The following HS6ST3 variants were observed in gnomAD, a reference collection of about 807,000 sequenced individuals.
The protein encoded by HS6ST3 is heparan-sulfate 6-O-sulfotransferase 3.
Under a neutral mutation model 36.7 loss-of-function variants are expected in HS6ST3, and 12 were observed. That is an observed-to-expected ratio of 0.33 (90% confidence interval 0.21 to 0.53). The LOEUF (loss-of-function observed/expected upper bound fraction) is 0.53, where lower values mean the gene tolerates loss of function less well. Among genes scored for constraint, HS6ST3 ranks in the 20% least tolerant of loss-of-function variants. The pLI is 0.95. For synonymous variants in HS6ST3, 240 were observed against 257.5 expected (o/e 0.93, Z 0.65); for missense variants, 584 against 640.9 (o/e 0.91, Z 0.96).
At chr13:96,493,811 G>A (rs1442485876) in intron 1 of HS6ST3, among the ~76,000 whole-genome samples, 2 of 152,092 alleles carry the variant, frequency 1.3e-5, no homozygotes, top group Non-Finnish European at 2.9e-5. Context: ...ATAGAAGGTT[G>A]TGAGAAAAAA....
chr13:96,713,018 T>C (rs1875600320), intron 1 of HS6ST3, among the ~76,000 whole-genome samples: 1 of 152,216 alleles, frequency 6.6e-6, no homozygotes, highest in South Asian at 2.1e-4. Flanking sequence ...TTTGAGGATA[T>C]AAAAAGGATG....
intron 1 of HS6ST3, among the ~76,000 whole-genome samples, chr13:96,507,286 T>A (rs1250606344): frequency 6.6e-6 from 1 of 152,114 alleles, no homozygotes; most frequent in Non-Finnish European, 1.5e-5. Context: ...ATGATGTATG[T>A]CCTGAGCAGA....
intron 1 of HS6ST3, among the ~76,000 whole-genome samples, chr13:96,155,074 A>T (rs1220113675): frequency 6.6e-6 from 1 of 152,184 alleles, no homozygotes; most frequent in Non-Finnish European, 1.5e-5. Context: ...ATTCAGTTAT[A>T]TATTGTTCAG....
intron 1 of HS6ST3, among the ~76,000 whole-genome samples, chr13:96,709,255 T>C (rs1875502795): frequency 6.6e-6 from 1 of 152,228 alleles, no homozygotes; most frequent in African/African-American, 2.4e-5. Flanking sequence ...TCCTCAGCCA[T>C]GTAGAACTGT....
At chr13:96,790,718 A>G (rs577694309) in intron 1 of HS6ST3, among the ~76,000 whole-genome samples, 10 of 152,188 alleles carry the variant, frequency 6.6e-5, no homozygotes, top group Non-Finnish European at 1.0e-4. Flanking sequence ...TTTTGAGGCC[A>G]TGATGAAATA....
At chr13:96,245,621 G>T in intron 1 of HS6ST3, among the ~76,000 whole-genome samples, 1 of 152,052 alleles carries the variant, frequency 6.6e-6, no homozygotes, top group East Asian at 1.9e-4. Context: ...GGTCTGCAGG[G>T]TCCAGACTGC....
chr13:96,305,207 A>G (rs1354268700), intron 1 of HS6ST3, among the ~76,000 whole-genome samples: 1 of 152,176 alleles, frequency 6.6e-6, no homozygotes, highest in African/African-American at 2.4e-5. Context: ...ACTATTGACA[A>G]TGATAAACTT....
At chr13:96,099,656 G>C (rs2053808540) in intron 1 of HS6ST3, among the ~76,000 whole-genome samples, 1 of 152,058 alleles carries the variant, frequency 6.6e-6, no homozygotes, top group South Asian at 2.1e-4. Flanking sequence ...TGTGTCATTT[G>C]TTTTCATAAC....
In HS6ST3 at chr13:96,438,352, A is replaced by G. The variant is rs1427946546; in HGVS notation, c.707+346783A>G. 2.0e-5 allele frequency among the ~76,000 whole-genome samples: 3 copies of G among 152,240 alleles called. No individual in the cohort carries two copies. The South Asian group carries it at 6.2e-4, about 31-fold the overall frequency. Reference sequence around the variant, plus strand: ...ATCTTAGATTCTGACATAGTGTTTCATCATACTGCATACTCTTATGTGAAA... The same window carrying G: ...ATCTTAGATTCTGACATAGTGTTTCGTCATACTGCATACTCTTATGTGAAA... On this transcript the variant is annotated intron_variant, in intron 1 of 1. Transcript: ENST00000376705.
rs1008793358 is a variant in HS6ST3, at chr13:96,329,972, A to C, written c.707+238403A>C. ...TGTCTCTTTTGATCTTTGTTGGTTT[A>C]AAGTCTGTTTTATCATAGACTAGGA... On this transcript the variant is annotated intron_variant, in intron 1 of 1. Coordinates refer to ENST00000376705, the MANE Select transcript of HS6ST3 (RefSeq NM_153456.4). 9.7e-4 allele frequency among the ~76,000 whole-genome samples: 147 copies of C among 151,040 alleles called. 1 individual carries two copies. The highest frequency in any genetic ancestry group is 1.2e-3 in the Non-Finnish European group (81 of 67,802).
chr13:96,530,002 G>A (rs965429763), intron 1 of HS6ST3, among the ~76,000 whole-genome samples: 9 of 152,130 alleles, frequency 5.9e-5, no homozygotes, highest in African/African-American at 2.2e-4. Flanking sequence ...AATTAGACTT[G>A]GGGCTGATCT....
chr13:96,777,169 C>CT (rs1381407088), intron 1 of HS6ST3, among the ~76,000 whole-genome samples: 1 of 152,150 alleles, frequency 6.6e-6, no homozygotes, highest in African/African-American at 2.4e-5. Flanking sequence ...ACTCAATAAA[C>CT]TAGGTACTGA....
chr13:96,343,570 A>G (rs978868951), intron 1 of HS6ST3, among the ~76,000 whole-genome samples: 6 of 152,198 alleles, frequency 3.9e-5, no homozygotes, highest in Admixed American at 3.3e-4. Context: ...GCTGTGTAAC[A>G]TGACATATTC....
chr13:96,122,412 G>T (rs1303079094), intron 1 of HS6ST3, among the ~76,000 whole-genome samples: 1 of 151,984 alleles, frequency 6.6e-6, no homozygotes, highest in East Asian at 1.9e-4. Context: ...ATAATCTCAT[G>T]ATTATACTTT....
chr13:96,130,653 A>G (rs2053971081), intron 1 of HS6ST3, among the ~76,000 whole-genome samples: 1 of 152,190 alleles, frequency 6.6e-6, no homozygotes, highest in Non-Finnish European at 1.5e-5. Flanking sequence ...AGGTAATGCC[A>G]GGAGCACCTA....
At position 96,490,621 on chromosome 13, in the gene HS6ST3, T is replaced by C. The variant is rs372208346; in HGVS notation, c.708-341869T>C. Among the ~76,000 whole-genome samples, 6 of 152,232 alleles carry C rather than the reference T, an allele frequency of 3.9e-5. No individual in the cohort carries two copies. In the East Asian group the frequency reaches 1.2e-3, roughly 29 times the overall value. ...AAATGACATGGTTACAGACTCTGTC[T>C]TTCCAAGTACTTAACAATTGCATTT... is the stretch of plus-strand genomic sequence containing the variant. On this transcript the variant is annotated intron_variant, in intron 1 of 1. Transcript: ENST00000376705.
Position 96,385,639 on chromosome 13 carries a change from C to T in HS6ST3, c.707+294070C>T, listed in dbSNP as rs542457272. 2.0e-4 allele frequency among the ~76,000 whole-genome samples: 30 copies of T among 152,260 alleles called. 3 individuals are homozygous for T. Among genetic ancestry groups the T allele is most frequent in the African/African-American group, 7.2e-4 (30 of 41,558 alleles). On this transcript the variant is annotated intron_variant, in intron 1 of 1. Transcript: ENST00000376705. ...GAGCATCAAAATGTATTCTTTGACA[C>T]ATTTGTCCATCTCTTAAGCATTCTT...
intron 1 of HS6ST3, among the ~76,000 whole-genome samples, chr13:96,226,257 A>G (rs754405550): frequency 2.0e-5 from 3 of 152,246 alleles, no homozygotes; most frequent in Non-Finnish European, 4.4e-5. Context: ...GCAGGGGCTC[A>G]TGCCTGTAAT....
At chr13:96,824,481 G>A (rs1431851787) in intron 1 of HS6ST3, among the ~76,000 whole-genome samples, 1 of 152,126 alleles carries the variant, frequency 6.6e-6, no homozygotes, top group Non-Finnish European at 1.5e-5. Context: ...TTGAATCAAA[G>A]GCCTTTTCGT....
Sources: allele counts gnomAD v4.1 joint callset (sites outside exome capture counted in the v4.1 genomes callset), GRCh38; gene constraint gnomAD v4.1.1; transcripts MANE v1.5; gene names NCBI Gene and HGNC (gene_info 2026-07-23, HGNC 2026-07-21).